Variants in VWA8 observed in about 807,000 individuals in gnomAD.
VWA8 encodes the protein von Willebrand factor A domain containing 8, also known as von Willebrand factor A domain-containing protein 8.
In VWA8, 221 loss-of-function variants were observed where a neutral mutation model predicts 241.5. The observed-to-expected ratio is 0.91, with a 90% CI of 0.82 to 1.02. The LOEUF (loss-of-function observed/expected upper bound fraction) is 1.02, where lower values mean the gene tolerates loss of function less well. Ranked by LOEUF, VWA8 falls within the 50% of genes least tolerant of loss-of-function variation. The pLI is 0.00. For missense variants in VWA8, 2,322 were observed against 2,328.7 expected (o/e 1.00, Z 0.06); for synonymous variants, 852 against 827.1 (o/e 1.03, Z -0.52).
rs572294984 is a variant in VWA8 at position 41,785,926 on chromosome 13, T to C, written c.2170+1511A>G. Among the ~76,000 whole-genome samples, 44 of 152,256 alleles carry C rather than the reference T, an allele frequency of 2.9e-4. No homozygotes were observed. The South Asian group carries it at 8.9e-3, about 31-fold the overall frequency. On this transcript the variant is annotated intron_variant, in intron 18 of 44. Coordinates refer to ENST00000379310, the MANE Select transcript of VWA8 (RefSeq NM_015058.2). Reference sequence around the variant, plus strand: ...GCTATCTATGGTTTAGTTTACGGAATACATCCACTCAGCAGATTTACGGCT... The same window carrying C: ...GCTATCTATGGTTTAGTTTACGGAACACATCCACTCAGCAGATTTACGGCT...
At chr13:41,788,601 G>C (rs1170611653) in intron 17 of VWA8, among the ~76,000 whole-genome samples, 2 of 152,142 alleles carry the variant, frequency 1.3e-5, no homozygotes, top group African/African-American at 2.4e-5. Flanking sequence ...CTGAACTTTC[G>C]TCATAGTTCT....
chr13:41,929,392 A>G (rs1224093692), intron 2 of VWA8, among the ~76,000 whole-genome samples: 1 of 152,142 alleles, frequency 6.6e-6, no homozygotes, highest in East Asian at 1.9e-4. Context: ...GGCTAGAGCA[A>G]TCCTCCTGCC....
At chr13:41,806,442 G>A (rs1425207897) in intron 17 of VWA8, among the ~76,000 whole-genome samples, 3 of 152,144 alleles carry the variant, frequency 2.0e-5, no homozygotes, top group Non-Finnish European at 4.4e-5. Context: ...AGTGGCTCAC[G>A]CCTGTAATCC....
intron 21 of VWA8, among the ~76,000 whole-genome samples, chr13:41,740,331 G>A (rs1020036951): frequency 2.0e-5 from 3 of 152,072 alleles, no homozygotes; most frequent in African/African-American, 7.2e-5. Context: ...CTATGTCATA[G>A]TGATATAGAT....
At chr13:41,931,081 G>T (rs1404665545) in intron 2 of VWA8, among the ~76,000 whole-genome samples, 2 of 150,122 alleles carry the variant, frequency 1.3e-5, no homozygotes, top group Non-Finnish European at 3.0e-5. Flanking sequence ...CCCGGGAGAC[G>T]AAGGTTGCAG....
chr13:41,779,142 CT>C (rs1227313340), intron 19 of VWA8, among the ~76,000 whole-genome samples: 1 of 148,770 alleles, frequency 6.7e-6, no homozygotes, highest in African/African-American at 2.4e-5. Flanking sequence ...CACCTGGCTG[CT>C]TTCTTTTTTC....
chr13:41,956,363 A>C (rs1295311257), intron 1 of VWA8, among the ~76,000 whole-genome samples: 1 of 152,196 alleles, frequency 6.6e-6, no homozygotes, highest in Non-Finnish European at 1.5e-5. Flanking sequence ...ACTTAGACCC[A>C]AGAGAAAACT....
chr13:41,740,831 AC>A (rs1356356734), intron 21 of VWA8, among the ~76,000 whole-genome samples: 1 of 152,204 alleles, frequency 6.6e-6, no homozygotes, highest in Non-Finnish European at 1.5e-5. Flanking sequence ...TTTAGGTATC[AC>A]TGCAATTTAT....
chr13:41,614,724 A>G (rs2139662874), intron 38 of VWA8, among the ~76,000 whole-genome samples: 1 of 152,324 alleles, frequency 6.6e-6, no homozygotes, highest in South Asian at 2.1e-4. Flanking sequence ...CCTTTGACTG[A>G]TGAAGCAACT....
chr13:41,900,126 A>C (rs745784819), intron 4 of VWA8, among the ~76,000 whole-genome samples: 1 of 152,238 alleles, frequency 6.6e-6, no homozygotes, highest in African/African-American at 2.4e-5. Flanking sequence ...TGTAGGAAGG[A>C]TGATAGTTAT....
In VWA8 at chr13:41,887,291, A is replaced by C; in HGVS notation, c.722T>G (p.Leu241Trp). 1 of 1,613,788 alleles carries C rather than the reference A, an allele frequency of 6.2e-7. No individual in the cohort carries two copies. The highest frequency in any genetic ancestry group is 8.5e-7 in the Non-Finnish European group (1 of 1,179,902). ...RVSENFRVIA[L>W]GLPVPRYSGN... is the part of the protein sequence containing the mutation. Reference sequence around the variant, plus strand: ...AGAATACCTTGGCACTGGCAAGCCCAAGGCAATCACTCGGAAATTTTCACT... The same window carrying C: ...AGAATACCTTGGCACTGGCAAGCCCCAGGCAATCACTCGGAAATTTTCACT... The change falls in exon 6 of 45, where the codon TTG becomes TGG. Residue 241 changes from leucine (L) to tryptophan (W), a missense_variant. Transcript: ENST00000379310.
At chr13:41,925,949 G>A (rs1033142518) in intron 2 of VWA8, 8 of 376,050 alleles carry the variant, frequency 2.1e-5, no homozygotes, top group Non-Finnish European at 4.2e-5. Flanking sequence ...AGCAGCCTGG[G>A]GGTCACCTGA....
At chr13:41,655,425 C>G (rs1449981275) in intron 37 of VWA8, among the ~76,000 whole-genome samples, 1 of 151,864 alleles carries the variant, frequency 6.6e-6, no homozygotes, top group East Asian at 1.9e-4. Flanking sequence ...GTCTACAACT[C>G]ACATTTAAGT....
chr13:41,620,807 T>TA (rs1415446433), intron 37 of VWA8, among the ~76,000 whole-genome samples: 6 of 152,230 alleles, frequency 3.9e-5, no homozygotes, highest in African/African-American at 1.4e-4. Flanking sequence ...AAATGACACT[T>TA]AGAGTTGAAT....
At chr13:41,875,804 T>A (rs1239917014) in intron 9 of VWA8, among the ~76,000 whole-genome samples, 2 of 152,066 alleles carry the variant, frequency 1.3e-5, no homozygotes, top group Non-Finnish European at 2.9e-5. Flanking sequence ...CAAACCATCA[T>A]GACCCCGATT....
At chr13:41,831,768 T>C (rs1871473726) in intron 13 of VWA8, among the ~76,000 whole-genome samples, 2 of 150,602 alleles carry the variant, frequency 1.3e-5, no homozygotes, top group South Asian at 2.1e-4. Flanking sequence ...TACAGGTGCA[T>C]GCCTCCATGC....
chr13:41,854,531 A>G (rs1288041472), intron 12 of VWA8, among the ~76,000 whole-genome samples: 2 of 150,310 alleles, frequency 1.3e-5, no homozygotes, highest in Admixed American at 1.3e-4. Flanking sequence ...TATTATATTC[A>G]TATTTTCCTT....
At chr13:41,803,038 C>A (rs1025525846) in intron 17 of VWA8, among the ~76,000 whole-genome samples, 1 of 152,224 alleles carries the variant, frequency 6.6e-6, no homozygotes, top group African/African-American at 2.4e-5. Context: ...CCAAGGAATT[C>A]TCCTGGTTAC....
At chr13:41,655,751 G>A (rs1214150316) in intron 37 of VWA8, among the ~76,000 whole-genome samples, 1 of 152,160 alleles carries the variant, frequency 6.6e-6, no homozygotes, top group Non-Finnish European at 1.5e-5. Flanking sequence ...GACCTGTCCT[G>A]TAAAGGAAAT....
Sources: allele counts gnomAD v4.1 joint callset (sites outside exome capture counted in the v4.1 genomes callset), GRCh38; gene constraint gnomAD v4.1.1; transcripts MANE v1.5; gene names NCBI Gene and HGNC (gene_info 2026-07-23, HGNC 2026-07-21).